Variants in PNPT1 observed in about 807,000 individuals in gnomAD.
PNPT1 encodes polyribonucleotide nucleotidyltransferase 1.
PNPT1 carries 53 observed loss-of-function variants against 119.5 expected under a neutral mutation model. That is an observed-to-expected ratio of 0.44 (90% CI 0.36 to 0.56). The LOEUF is 0.56. Ranked by LOEUF, PNPT1 falls within the 20% of genes least tolerant of loss-of-function variation. The probability of loss-of-function intolerance (pLI) is 0.00; values close to 1 mark genes in which losing one functional copy is unlikely to be tolerated. For synonymous variants in PNPT1, 357 were observed against 322.1 expected, an observed-to-expected ratio of 1.11 and a Z score of -1.16; for missense variants, 948 against 938.5, an observed-to-expected ratio of 1.01 and a Z score of -0.13.
At chr2:55,672,793 G>A in intron 9 of PNPT1, 100 bp downstream of exon 9, 1 of 1,115,436 alleles carries the variant, frequency 9.0e-7, no homozygotes, top group South Asian at 1.6e-5. Context: ...TGCTATTTAT[G>A]AAGTAATGCA....
intron 1 of PNPT1, among the ~76,000 whole-genome samples, chr2:55,693,374 G>A (rs569107197): frequency 6.6e-6 from 1 of 152,254 alleles, no homozygotes; most frequent in East Asian, 1.9e-4. Flanking sequence ...TCCCACTTAA[G>A]AGCCCAGTGG....
At position 55,693,729 on chromosome 2, in the gene PNPT1, T is replaced by G; in HGVS notation, c.95A>C (p.Gln32Pro). 1.2e-6 allele frequency: 2 copies of G among 1,614,118 alleles called. No homozygotes were observed. Among genetic ancestry groups the G allele is most frequent in the South Asian group, 2.2e-5 (2 of 91,082 alleles). The change falls in exon 1 of 28, where the codon CAG (glutamine) becomes CCG (proline). Residue 32 changes from glutamine (Q) to proline (P), a missense_variant. By Grantham distance (76) the Gln-to-Pro change is moderately conservative (BLOSUM62 -1). Coordinates refer to ENST00000447944, the MANE Select transcript of PNPT1 (RefSeq NM_033109.5). Reference sequence around the variant, plus strand: ...ACTCCATAGTGCTCGCACTTGCAACTGGGTGAGTGCCCGATCCCGCCGTGG... The same window carrying G: ...ACTCCATAGTGCTCGCACTTGCAACGGGGTGAGTGCCCGATCCCGCCGTGG... ...LLPRRDRALT[Q>P]LQVRALWSSA...
chr2:55,684,357 G>C (rs372993319), intron 4 of PNPT1, among the ~76,000 whole-genome samples: 1 of 152,148 alleles, frequency 6.6e-6, no homozygotes, highest in Non-Finnish European at 1.5e-5. Flanking sequence ...AGGCATGGTG[G>C]TGGGCACCTG....
At chr2:55,684,352 T>C (rs1048771908) in intron 4 of PNPT1, among the ~76,000 whole-genome samples, 2 of 152,170 alleles carry the variant, frequency 1.3e-5, no homozygotes, top group African/African-American at 4.8e-5. Flanking sequence ...CAGCCAGGCA[T>C]GGTGGTGGGC....
chr2:55,672,959 C>G lies in PNPT1; in HGVS notation c.800G>C (p.Gly267Ala). Residue 267 changes from glycine to alanine, a missense_variant, in exon 9 of 28, where the codon GGT becomes GCT. By Grantham distance (60) the Gly-to-Ala change is moderately conservative. Transcript: ENST00000447944. ...CTTCTGAGGTGTCCTCTTGGTAACA[C>G]CAGTTTCTTTTACCAACTGCTGAAT... Reference protein sequence around the residue: ...QGIQQLVKETGVTKRTPQKLF... With the variant: ...QGIQQLVKETAVTKRTPQKLF... 1 of 1,613,538 alleles carries G rather than the reference C, an allele frequency of 6.2e-7. No individual in the cohort carries two copies. Among genetic ancestry groups the G allele is most frequent in the Non-Finnish European group, 8.5e-7 (1 of 1,179,862 alleles).
At chr2:55,667,788 A>G (rs1168683267) in intron 12 of PNPT1, 74 bp downstream of exon 12, 8 of 1,532,252 alleles carry the variant, frequency 5.2e-6, no homozygotes, top group Non-Finnish European at 8.7e-7. Flanking sequence ...ACTTTCTTTG[A>G]TCAAGTTTCC....
chr2:55,669,386 T>A (rs1204258626), intron 11 of PNPT1, among the ~76,000 whole-genome samples: 1 of 152,232 alleles, frequency 6.6e-6, no homozygotes, highest in Non-Finnish European at 1.5e-5. Context: ...TATTCTCTCA[T>A]GTGTATGGTT....
At chr2:55,636,459 A>T in intron 27 of PNPT1, 67 bp from the exon 28 acceptor site, 2 of 1,501,414 alleles carry the variant, frequency 1.3e-6, no homozygotes, top group South Asian at 2.4e-5. Context: ...ACTAATAGAC[A>T]TTTAAATTTA....
At chr2:55,682,100 G>A (rs1697266327) in intron 5 of PNPT1, among the ~76,000 whole-genome samples, 3 of 151,992 alleles carry the variant, frequency 2.0e-5, no homozygotes, top group Non-Finnish European at 2.9e-5. Context: ...CCGAGATCGC[G>A]CCACTGTACT....
intron 2 of PNPT1, among the ~76,000 whole-genome samples, chr2:55,687,410 G>A (rs979302194): frequency 1.3e-4 from 20 of 149,936 alleles, no homozygotes; most frequent in Non-Finnish European, 2.4e-4. Context: ...ACTGCACTCC[G>A]GCCTGGAGAT....
At position 55,683,852 on chromosome 2, in the gene PNPT1, AAC is replaced by A; in HGVS notation, c.404-20_404-19del. The A allele has an allele frequency of 6.2e-7, 1 of 1,612,456 alleles. No homozygotes were observed. The highest frequency in any genetic ancestry group is 8.5e-7 in the Non-Finnish European group (1 of 1,178,708). On this transcript the variant is annotated intron_variant, in intron 4 of 27. Transcript: ENST00000447944. ...TGAACGATCTGCCAAAAGAAAAAAAAACACATTAAACCGTACTGACAGAGTTG... is the reference window on the plus strand; with the variant it reads ...TGAACGATCTGCCAAAAGAAAAAAAAACATTAAACCGTACTGACAGAGTTG...
chr2:55,689,168 T>C (rs558662946), intron 1 of PNPT1, among the ~76,000 whole-genome samples: 8 of 152,216 alleles, frequency 5.3e-5, no homozygotes, highest in Admixed American at 2.0e-4. Context: ...AAGAGAAAAA[T>C]ATTTGCAAAC....
intron 2 of PNPT1, 28 bp from the exon 3 acceptor site, chr2:55,686,472 G>A: frequency 6.3e-7 from 1 of 1,578,870 alleles, no homozygotes; most frequent in African/African-American, 1.4e-5. Flanking sequence ...ACGCTGGTAA[G>A]TTCCTTTGAA....
chr2:55,666,860 C>T lies in PNPT1; in HGVS notation c.1176+131G>A, dbSNP rs547571865. 426 of 572,742 alleles carry T rather than the reference C, an allele frequency of 7.4e-4. 4 individuals are homozygous for T. The highest frequency in any genetic ancestry group is 7.4e-4 in the South Asian group (26 of 34,996). 35.5% of individuals were successfully genotyped at this position (572,742 alleles called of 1,614,324 possible). A position where few individuals can be genotyped will look rare whatever the true frequency, so the allele number is the denominator to read the frequency against. ...TGTCTCAAACAAAACAAACAAGAAC[C>T]GCCAGATATTAATTTAAATAAATAA... On this transcript the variant is annotated intron_variant, in intron 13 of 27. Transcript: ENST00000447944.
intron 1 of PNPT1, among the ~76,000 whole-genome samples, chr2:55,692,292 C>T (rs1697642184): frequency 6.6e-6 from 1 of 152,094 alleles, no homozygotes; most frequent in South Asian, 2.1e-4. Context: ...TTTGCAGACC[C>T]TTGATGGAAT....
chr2:55,644,170 T>A (rs949395600), intron 23 of PNPT1, among the ~76,000 whole-genome samples: 1 of 152,206 alleles, frequency 6.6e-6, no homozygotes, highest in Non-Finnish European at 1.5e-5. Context: ...ATGGCTAAGG[T>A]GACAGTGCTT....
chr2:55,651,275 G>A (rs868138079), intron 18 of PNPT1, among the ~76,000 whole-genome samples: 35 of 150,996 alleles, frequency 2.3e-4, no homozygotes, highest in Admixed American at 9.2e-4. Context: ...TGGGAGGTGT[G>A]CCCAACAGCT....
chr2:55,655,067 CTCT>C (rs750752836), intron 17 of PNPT1, 114 bp from the exon 18 acceptor site: 15 of 1,043,928 alleles, frequency 1.4e-5, no homozygotes, highest in Non-Finnish European at 2.0e-5. Flanking sequence ...ATTCAATAGT[CTCT>C]TCTTTTTAAA....
intron 26 of PNPT1, 79 bp downstream of exon 26, chr2:55,640,548 T>A: frequency 8.1e-7 from 1 of 1,241,642 alleles, no homozygotes; most frequent in Non-Finnish European, 1.2e-6. Context: ...AAGTGTATAA[T>A]TCTTACCAAC....
Sources: gnomAD v4.1 joint callset for allele counts (sites outside exome capture counted in the v4.1 genomes callset) on GRCh38, gnomAD v4.1.1 for gene constraint, MANE v1.5 for transcripts, NCBI Gene and HGNC (gene_info 2026-07-23, HGNC 2026-07-21) for gene names.